SAMD12: variants seen among roughly 807,000 people sequenced by gnomAD.
SAMD12 encodes sterile alpha motif domain-containing protein 12.
Under a neutral mutation model 15.0 loss-of-function variants are expected in SAMD12, and 9 were observed. That is an observed-to-expected ratio of 0.60 (90% CI 0.36 to 1.05). SAMD12 has a LOEUF of 1.05. Ranked by LOEUF, SAMD12 falls within the 50% of genes least tolerant of loss-of-function variation. The pLI, the probability that SAMD12 is intolerant of heterozygous loss-of-function variation, is 0.01. For missense variants in SAMD12, 230 were observed against 234.2 expected (o/e 0.98, Z 0.12); for synonymous variants, 86 against 90.1 (o/e 0.96, Z 0.25).
chr8:118,515,185 ATTTTTT>A (rs55864364), intron 2 of SAMD12, among the ~76,000 whole-genome samples: 3,101 of 103,308 alleles, frequency 0.03, 113 homozygotes, highest in African/African-American at 0.11. Context: ...CGCCCAGCTA[ATTTTTT>A]TTTTTTTTTT....
At chr8:118,284,187 T>C (rs889488793) in intron 4 of SAMD12, 2 of 435,274 alleles carry the variant, frequency 4.6e-6, no homozygotes, top group African/African-American at 2.0e-5. Context: ...TTGCCCACCT[T>C]AATGATAAAA....
intron 2 of SAMD12, among the ~76,000 whole-genome samples, chr8:118,568,381 C>G (rs79337945): frequency 0.011 from 1,632 of 152,192 alleles, 35 homozygotes; most frequent in African/African-American, 0.037. Context: ...CTTGCCAAGG[C>G]ACAGATCATG....
intron 4 of SAMD12, among the ~76,000 whole-genome samples, chr8:118,287,368 G>T: frequency 6.7e-6 from 1 of 148,944 alleles, no homozygotes; most frequent in Non-Finnish European, 1.5e-5. Context: ...CTCGTGATCC[G>T]CCCGCCTCGG....
intron 4 of SAMD12, among the ~76,000 whole-genome samples, chr8:118,223,164 A>C (rs1812117441): frequency 6.6e-6 from 1 of 152,228 alleles, no homozygotes; most frequent in Non-Finnish European, 1.5e-5. Context: ...ACTTATGCTC[A>C]AATAAATATC....
intron 4 of SAMD12, among the ~76,000 whole-genome samples, chr8:118,270,741 C>T (rs1813336620): frequency 6.6e-6 from 1 of 152,116 alleles, no homozygotes; most frequent in Non-Finnish European, 1.5e-5. Context: ...GACAATCTTT[C>T]CTAGTGATCT....
chr8:118,144,213 C>G, the SAMD12 span, among the ~76,000 whole-genome samples: 1 of 152,138 alleles, frequency 6.6e-6, no homozygotes, highest in African/African-American at 2.4e-5. Flanking sequence ...CCACAATTGT[C>G]TCTTCATCTC....
chr8:118,146,746 C>T, the SAMD12 span, among the ~76,000 whole-genome samples: 12 of 152,196 alleles, frequency 7.9e-5, no homozygotes, highest in African/African-American at 2.4e-4. Context: ...AAAAAACTGA[C>T]GAGCCACACT....
At chr8:118,219,459 G>A (rs1480886768) in intron 4 of SAMD12, among the ~76,000 whole-genome samples, 1 of 152,076 alleles carries the variant, frequency 6.6e-6, no homozygotes, top group African/African-American at 2.4e-5. Context: ...GTAATTTTAC[G>A]AACACCCTTG....
chr8:118,505,419 A>G (rs111853170), intron 2 of SAMD12, among the ~76,000 whole-genome samples: 3,537 of 151,102 alleles, frequency 0.023, 114 homozygotes, highest in African/African-American at 0.076. Context: ...CCATATGATT[A>G]AGTTCTGGTC....
chr8:118,504,000 C>A (rs1824856288), intron 2 of SAMD12, among the ~76,000 whole-genome samples: 1 of 152,066 alleles, frequency 6.6e-6, no homozygotes, highest in South Asian at 2.1e-4. Flanking sequence ...GTAGATTAAC[C>A]GCCCCCTAGT....
At chr8:118,132,662 T>G in the SAMD12 span, among the ~76,000 whole-genome samples, 3 of 151,894 alleles carry the variant, frequency 2.0e-5, no homozygotes, top group African/African-American at 7.3e-5. Flanking sequence ...AAACCGCAAA[T>G]TCAAAGCCAC....
At chr8:118,277,200 C>T (rs907418389) in intron 4 of SAMD12, among the ~76,000 whole-genome samples, 4 of 152,178 alleles carry the variant, frequency 2.6e-5, no homozygotes, top group African/African-American at 9.7e-5. Flanking sequence ...ATTCCACTCA[C>T]CACCCAGGCC....
the SAMD12 span, among the ~76,000 whole-genome samples, chr8:118,165,692 A>G: frequency 0.018 from 2,591 of 146,114 alleles, 107 homozygotes; most frequent in East Asian, 0.14. Flanking sequence ...ATAGCAGTGA[A>G]AAGTAAATGC....
chr8:118,465,976 G>C (rs78638687), intron 2 of SAMD12, among the ~76,000 whole-genome samples: 2,323 of 152,180 alleles, frequency 0.015, 63 homozygotes, highest in African/African-American at 0.053. Flanking sequence ...TTTAAGAGAG[G>C]CTTCATTGAT....
intron 4 of SAMD12, among the ~76,000 whole-genome samples, chr8:118,358,089 G>C (rs1389215638): frequency 6.6e-6 from 1 of 152,198 alleles, no homozygotes; most frequent in Non-Finnish European, 1.5e-5. Flanking sequence ...TGGCTGCAGT[G>C]AGCTGTGACT....
chr8:118,193,715 T>C (rs531085448), exon 5 of SAMD12: 4 of 152,210 alleles, frequency 2.6e-5, no homozygotes, highest in Admixed American at 1.3e-4. Flanking sequence ...GAGTTCTTTA[T>C]AGAATTCTTG....
At chr8:118,221,341 A>AATCAC (rs530052539) in intron 4 of SAMD12, among the ~76,000 whole-genome samples, 33 of 152,150 alleles carry the variant, frequency 2.2e-4, no homozygotes, top group Non-Finnish European at 3.7e-4. Flanking sequence ...AGGAATAATT[A>AATCAC]ATCACATCCA....
chr8:118,531,213 A>T (rs1463750279), intron 2 of SAMD12, among the ~76,000 whole-genome samples: 4 of 152,096 alleles, frequency 2.6e-5, no homozygotes, highest in Non-Finnish European at 2.9e-5. Flanking sequence ...TGTTTTTCTC[A>T]GGTTTGTCAA....
intron 4 of SAMD12, among the ~76,000 whole-genome samples, chr8:118,207,118 G>A (rs1479638247): frequency 6.6e-6 from 1 of 152,200 alleles, no homozygotes; most frequent in Non-Finnish European, 1.5e-5. Context: ...GCAAGTATCT[G>A]AAACTCTATA....
Sources: allele counts gnomAD v4.1 joint callset (sites outside exome capture counted in the v4.1 genomes callset), GRCh38; gene constraint gnomAD v4.1.1; transcripts MANE v1.5; gene names NCBI Gene and HGNC (gene_info 2026-07-23, HGNC 2026-07-21).